The following GSTO2 variants were observed in gnomAD, a reference collection of about 807,000 sequenced individuals.
GSTO2 encodes the protein glutathione S-transferase omega-2.
In GSTO2, 23 loss-of-function variants were observed where a neutral mutation model predicts 28.4. That is an observed-to-expected ratio of 0.81 (90% CI 0.58 to 1.15). GSTO2 has a LOEUF of 1.15. Ranked by LOEUF, GSTO2 falls within the 50% of genes most tolerant of loss-of-function variation. The pLI, the probability that GSTO2 is intolerant of heterozygous loss-of-function variation, is 0.00. For synonymous variants in GSTO2, 109 were observed against 111.0 expected, an observed-to-expected ratio of 0.98 and a Z score of 0.11; for missense variants, 298 against 297.8, an observed-to-expected ratio of 1.00 and a Z score of 0.00.
At position 104,303,613 on chromosome 10, in the gene GSTO2, A is replaced by C. The variant is rs749275856; in HGVS notation, c.*4329A>C. On this transcript the variant is annotated 3_prime_UTR_variant, in exon 7 of 7. Coordinates refer to ENST00000338595, the MANE Select transcript of GSTO2 (RefSeq NM_183239.2). ...AAGTTTGGAGAATTTGCAGCCAGCTATGTGGTAGAAAAGAAGAGCCCGTTT... is the reference window on the plus strand; with the variant it reads ...AAGTTTGGAGAATTTGCAGCCAGCTCTGTGGTAGAAAAGAAGAGCCCGTTT... The C allele has an allele frequency of 6.6e-6, 1 of 152,244 alleles. No homozygotes were observed. The highest frequency in any genetic ancestry group is 6.5e-5 in the Admixed American group (1 of 15,292). 9.4% of individuals were successfully genotyped at this position (152,244 alleles called of 1,614,324 possible).
Position 104,275,280 on chromosome 10 carries a change from G to A in GSTO2, c.89G>A (p.Arg30Lys), listed in dbSNP as rs2011575469. 6.2e-7 allele frequency: 1 copy of A among 1,614,096 alleles called. No homozygotes were observed. Among genetic ancestry groups the A allele is most frequent in the Non-Finnish European group, 8.5e-7 (1 of 1,180,010 alleles). Residue 30 changes from arginine (R) to lysine (K), a missense_variant, in exon 3 of 7, where the codon AGG becomes AAG. Transcript: ENST00000338595. ...PEGLIRIYSMRFCPYSHRTRL... is the reference protein window; with the variant it reads ...PEGLIRIYSMKFCPYSHRTRL... ...GGGCTGATCCGCATCTACAGCATGA[G>A]GTTCTGCCCCTATTCTCACAGGACC...
chr10:104,294,025 A>G (rs1022428261), intron 5 of GSTO2, among the ~76,000 whole-genome samples: 1 of 152,030 alleles, frequency 6.6e-6, no homozygotes, highest in Admixed American at 6.6e-5. Context: ...CATCACCAGC[A>G]TGTTTTCCTC....
chr10:104,275,135 C>T (rs2011565430), intron 2 of GSTO2, 91 bp from the exon 3 acceptor site: 4 of 1,524,114 alleles, frequency 2.6e-6, no homozygotes, highest in African/African-American at 1.4e-5. Context: ...CTCCCACAGC[C>T]ATCTTGGGAT....
chr10:104,279,559 C>T lies in GSTO2; in HGVS notation c.468+88C>T, dbSNP rs2011886837. The T allele has an allele frequency of 1.8e-5, 14 of 793,594 alleles. No homozygotes were observed. In the South Asian group the frequency reaches 2.0e-4, roughly 11 times the overall value. 49.2% of individuals were successfully genotyped at this position (793,594 alleles called of 1,614,324 possible). A position where few individuals can be genotyped will look rare whatever the true frequency, so the allele number is the denominator to read the frequency against. ...CTGGTCACTCTAACACCAGCTTTCA[C>T]AGGCTTATTCTTTCTGCCTTTGATA... On this transcript the variant is annotated intron_variant, in intron 5 of 6. Coordinates refer to ENST00000338595, the MANE Select transcript of GSTO2 (RefSeq NM_183239.2).
At chr10:104,271,329 C>A (rs775198088) in intron 1 of GSTO2, among the ~76,000 whole-genome samples, 7 of 152,206 alleles carry the variant, frequency 4.6e-5, no homozygotes, top group Non-Finnish European at 8.8e-5. Context: ...CAGTGTGCTT[C>A]ATCTTTGTGG....
In GSTO2 at chr10:104,277,969, T is replaced by C. The variant is rs199898162; in HGVS notation, c.219T>C (p.Pro73=). 17 of 1,614,114 alleles carry C rather than the reference T, an allele frequency of 1.1e-5. No individual in the cohort carries two copies. The highest frequency in any genetic ancestry group is 8.5e-7 in the Non-Finnish European group (1 of 1,179,954). ...YYTKHPFGHI[P]VLETSQCQLI... is the part of the protein sequence containing the mutation. ...CAAAGCACCCTTTTGGCCACATTCC[T>C]GTCCTGGAGACCAGCCAATGTCAAC... The change falls in exon 4 of 7, where the codon CCT becomes CCC. Residue 73 remains proline, a synonymous_variant. Coordinates refer to ENST00000338595, the MANE Select transcript of GSTO2 (RefSeq NM_183239.2).
intron 3 of GSTO2, among the ~76,000 whole-genome samples, chr10:104,277,329 G>C (rs932688721): frequency 2.0e-5 from 3 of 151,518 alleles, no homozygotes; most frequent in African/African-American, 7.3e-5. Context: ...TCTTGCCCAG[G>C]CTGGAGTACA....
intron 4 of GSTO2, among the ~76,000 whole-genome samples, chr10:104,278,394 G>A (rs906889997): frequency 1.3e-5 from 2 of 152,246 alleles, no homozygotes; most frequent in Non-Finnish European, 2.9e-5. Context: ...TGAAAGAACT[G>A]AAAACTGGTG....
At position 104,274,925 on chromosome 10, in the gene GSTO2, G is replaced by GA; in HGVS notation, c.11dup (p.Asp4GlufsTer47). ...AAACCACCTGGAGACCATGTCTGGGGATGCGACCAGGACCCTGGGGAAAGG... is the reference window on the plus strand; with the variant it reads ...AAACCACCTGGAGACCATGTCTGGGGAATGCGACCAGGACCCTGGGGAAAGG... On this transcript the variant is annotated frameshift_variant, in exon 2 of 7. Coordinates refer to ENST00000338595, the MANE Select transcript of GSTO2 (RefSeq NM_183239.2). LOFTEE classifies it high-confidence loss of function. The GA allele has an allele frequency of 1.2e-6, 2 of 1,610,044 alleles. No individual in the cohort carries two copies. Among genetic ancestry groups the GA allele is most frequent in the Non-Finnish European group, 1.7e-6 (2 of 1,178,554 alleles).
At position 104,278,030 on chromosome 10, in the gene GSTO2, G is replaced by T; in HGVS notation, c.280G>T (p.Asp94Tyr). ...ATCTGTTATTGCTTGTGAGTACCTG[G>T]ATGATGCTTATCCAGGAAGGAAGCT... ...YESVIACEYL[D>Y]DAYPGRKLFP... is the part of the protein sequence containing the mutation. The change falls in exon 4 of 7, where the codon GAT becomes TAT. Residue 94 changes from aspartate to tyrosine, a missense_variant. Asp to Tyr is a radical substitution (Grantham distance 160, BLOSUM62 -3). Coordinates refer to ENST00000338595, the MANE Select transcript of GSTO2 (RefSeq NM_183239.2). The T allele has an allele frequency of 6.2e-7, 1 of 1,614,140 alleles. No homozygotes were observed.
At chr10:104,272,047 A>C (rs1379076069) in intron 1 of GSTO2, among the ~76,000 whole-genome samples, 3 of 152,220 alleles carry the variant, frequency 2.0e-5, no homozygotes, top group Non-Finnish European at 4.4e-5. Flanking sequence ...AGTGAGCCCT[A>C]ATATATTAAC....
chr10:104,287,558 G>A (rs2012508057), intron 5 of GSTO2, among the ~76,000 whole-genome samples: 1 of 152,198 alleles, frequency 6.6e-6, no homozygotes, highest in South Asian at 2.1e-4. Flanking sequence ...TTAAAAGATT[G>A]CCTAGAAATA....
chr10:104,291,543 A>T (rs1156707339), intron 5 of GSTO2: 2 of 152,318 alleles, frequency 1.3e-5, no homozygotes, highest in East Asian at 3.8e-4. Flanking sequence ...CGCGCCTCGC[A>T]CTGATGGCCA....
chr10:104,271,197 A>G (rs1265202963), intron 1 of GSTO2, among the ~76,000 whole-genome samples: 1 of 152,178 alleles, frequency 6.6e-6, no homozygotes, highest in Non-Finnish European at 1.5e-5. Context: ...AAGATTAAAA[A>G]CCACATTACT....
In GSTO2 at chr10:104,301,211, A is replaced by G. The variant is rs2013247112; in HGVS notation, c.*1927A>G. The G allele has an allele frequency of 6.6e-6, 1 of 152,246 alleles. No individual in the cohort carries two copies. 9.4% of individuals were successfully genotyped at this position (152,246 alleles called of 1,614,324 possible). Reference sequence around the variant, plus strand: ...TCCTGCATGCTAGTGAGTGCTTGTCATAAGACCAAAGTTACCACTGATGCA... The same window carrying G: ...TCCTGCATGCTAGTGAGTGCTTGTCGTAAGACCAAAGTTACCACTGATGCA... On this transcript the variant is annotated 3_prime_UTR_variant, in exon 7 of 7. Coordinates refer to ENST00000338595, the MANE Select transcript of GSTO2 (RefSeq NM_183239.2).
At chr10:104,283,361 C>G (rs1440171720) in intron 5 of GSTO2, among the ~76,000 whole-genome samples, 2 of 152,206 alleles carry the variant, frequency 1.3e-5, no homozygotes, top group Non-Finnish European at 2.9e-5. Context: ...CGTGGTGGCT[C>G]ACACTTGTAA....
At chr10:104,293,165 G>A (rs1355948951) in intron 5 of GSTO2, among the ~76,000 whole-genome samples, 1 of 152,220 alleles carries the variant, frequency 6.6e-6, no homozygotes, top group Non-Finnish European at 1.5e-5. Flanking sequence ...GATTCAGAGA[G>A]CATGAAAAGG....
chr10:104,295,075 A>G (rs1223482392), intron 5 of GSTO2: 3 of 152,214 alleles, frequency 2.0e-5, no homozygotes, highest in Non-Finnish European at 4.4e-5. Context: ...GTGAAGCCCA[A>G]TAACAAACTG....
At position 104,279,549 on chromosome 10, in the gene GSTO2, C is replaced by G. The variant is rs1389987168; in HGVS notation, c.468+78C>G. 5.8e-6 allele frequency: 5 copies of G among 861,158 alleles called. No homozygotes were observed. In the African/African-American group the frequency reaches 8.5e-5, roughly 15 times the overall value. 53.3% of individuals were successfully genotyped at this position (861,158 alleles called of 1,614,324 possible). A position where few individuals can be genotyped will look rare whatever the true frequency, so the allele number is the denominator to read the frequency against. On this transcript the variant is annotated intron_variant, in intron 5 of 6. Coordinates refer to ENST00000338595, the MANE Select transcript of GSTO2 (RefSeq NM_183239.2). ...GGTCGCTAACCTGGTCACTCTAACA[C>G]CAGCTTTCACAGGCTTATTCTTTCT...
Sources: gnomAD v4.1 joint callset for allele counts (sites outside exome capture counted in the v4.1 genomes callset) on GRCh38, gnomAD v4.1.1 for gene constraint, MANE v1.5 for transcripts, NCBI Gene and HGNC (gene_info 2026-07-23, HGNC 2026-07-21) for gene names.